Variants in FOXJ3 observed in about 807,000 individuals in gnomAD.
The protein encoded by FOXJ3 is forkhead box J3.
FOXJ3 carries 22 observed loss-of-function variants against 76.1 expected under a neutral mutation model. The ratio of observed to expected loss-of-function variants is 0.29; its 90% CI spans 0.21 to 0.41. The LOEUF (loss-of-function observed/expected upper bound fraction) is 0.41, where lower values mean the gene tolerates loss of function less well. Among genes scored for constraint, FOXJ3 ranks in the 10% least tolerant of loss-of-function variants. The pLI is 1.00. For missense variants in FOXJ3, 613 were observed against 762.1 expected, an observed-to-expected ratio of 0.80 and a Z score of 2.30; for synonymous variants, 269 against 261.2, an observed-to-expected ratio of 1.03 and a Z score of -0.29.
At chr1:42,322,962 A>T (rs1276965525) in intron 1 of FOXJ3, among the ~76,000 whole-genome samples, 1 of 152,164 alleles carries the variant, frequency 6.6e-6, no homozygotes, top group East Asian at 1.9e-4. Flanking sequence ...TAGAATTAAA[A>T]AATATCACCT....
At chr1:42,224,895 T>A (rs1469129412) in intron 5 of FOXJ3, among the ~76,000 whole-genome samples, 1 of 151,818 alleles carries the variant, frequency 6.6e-6, no homozygotes, top group Non-Finnish European at 1.5e-5. Flanking sequence ...GAGACCAGCC[T>A]CGGCAACATG....
intron 4 of FOXJ3, among the ~76,000 whole-genome samples, chr1:42,262,303 C>T (rs1651105883): frequency 6.6e-6 from 1 of 152,182 alleles, no homozygotes; most frequent in Admixed American, 6.5e-5. Flanking sequence ...GGCGAATATG[C>T]CTGGGTTCTA....
chr1:42,191,062 T>C (rs1468758806), intron 9 of FOXJ3, among the ~76,000 whole-genome samples: 2 of 92,530 alleles, frequency 2.2e-5, no homozygotes, highest in African/African-American at 9.1e-5. Context: ...ATCTAAATTA[T>C]AAACAAGAGT....
chr1:42,314,233 G>C (rs910508518), intron 1 of FOXJ3, among the ~76,000 whole-genome samples: 1 of 152,066 alleles, frequency 6.6e-6, no homozygotes, highest in Admixed American at 6.6e-5. Flanking sequence ...CAAAAGAACT[G>C]AGTACCAGGG....
chr1:42,285,231 G>C (rs532136987), intron 2 of FOXJ3, among the ~76,000 whole-genome samples: 9 of 151,920 alleles, frequency 5.9e-5, no homozygotes, highest in Non-Finnish European at 1.5e-5. Flanking sequence ...TATTAAGCCT[G>C]GCATCCATTA....
At chr1:42,286,407 G>C (rs981414760) in intron 2 of FOXJ3, among the ~76,000 whole-genome samples, 5 of 152,166 alleles carry the variant, frequency 3.3e-5, no homozygotes, top group African/African-American at 9.7e-5. Flanking sequence ...TGGAATCCAA[G>C]TTCTTCCCTT....
intron 2 of FOXJ3, among the ~76,000 whole-genome samples, chr1:42,292,814 T>C (rs1382121298): frequency 2.6e-5 from 4 of 152,112 alleles, no homozygotes; most frequent in Non-Finnish European, 5.9e-5. Context: ...AAACAAATAT[T>C]TGTGGGCTCA....
intron 1 of FOXJ3, among the ~76,000 whole-genome samples, chr1:42,325,689 T>C (rs749532963): frequency 1.3e-5 from 2 of 152,226 alleles, no homozygotes; most frequent in Non-Finnish European, 2.9e-5. Flanking sequence ...AAGTTAGTTT[T>C]CAGGATTTAA....
intron 3 of FOXJ3, among the ~76,000 whole-genome samples, chr1:42,270,699 G>A (rs953103346): frequency 1.3e-4 from 20 of 151,914 alleles, no homozygotes; most frequent in African/African-American, 4.8e-4. Flanking sequence ...TAAAAACACC[G>A]TCCCCAAAAG....
chr1:42,229,894 T>A (rs1029024162), intron 4 of FOXJ3, among the ~76,000 whole-genome samples: 1 of 152,210 alleles, frequency 6.6e-6, no homozygotes, highest in African/African-American at 2.4e-5. Flanking sequence ...AAATGACAAA[T>A]TCCAGCATTT....
In FOXJ3 at chr1:42,191,533, T is replaced by G; in HGVS notation, c.1121A>C (p.Gln374Pro). Residue 374 changes from glutamine (Q) to proline (P), a missense_variant, in exon 9 of 13, where the codon CAG (glutamine) becomes CCG (proline). Transcript: ENST00000361346. ...SVAQVSLSHP[Q>P]MHTQPSPHPP... ...ATGTGGAGATGGCTGTGTGTGCATC[T>G]GGGGGTGAGACAGTGAGACCTGTGC... 1 of 1,614,030 alleles carries G rather than the reference T, an allele frequency of 6.2e-7. No homozygotes were observed. The highest frequency in any genetic ancestry group is 8.5e-7 in the Non-Finnish European group (1 of 1,180,006).
intron 1 of FOXJ3, among the ~76,000 whole-genome samples, chr1:42,325,485 G>A (rs1257124050): frequency 2.0e-5 from 3 of 152,176 alleles, no homozygotes; most frequent in African/African-American, 7.2e-5. Flanking sequence ...CAGGGACCCT[G>A]CCTTAGTCGT....
intron 1 of FOXJ3, among the ~76,000 whole-genome samples, chr1:42,320,994 T>C (rs1371976158): frequency 6.6e-6 from 1 of 152,158 alleles, no homozygotes; most frequent in Non-Finnish European, 1.5e-5. Flanking sequence ...CAGAACTTAC[T>C]GGCTGTGAGA....
intron 2 of FOXJ3, among the ~76,000 whole-genome samples, chr1:42,284,535 T>C (rs1652930741): frequency 6.6e-6 from 1 of 152,236 alleles, no homozygotes; most frequent in Middle Eastern, 3.2e-3. Flanking sequence ...AAGAGTCCTA[T>C]AATCTGAAGT....
At chr1:42,285,376 C>T (rs1007519803) in intron 2 of FOXJ3, among the ~76,000 whole-genome samples, 15 of 151,970 alleles carry the variant, frequency 9.9e-5, no homozygotes, top group African/African-American at 3.6e-4. Context: ...CAAGGCATCC[C>T]TGAGGTAAGT....
intron 11 of FOXJ3, among the ~76,000 whole-genome samples, chr1:42,182,970 T>C (rs1646354386): frequency 6.6e-6 from 1 of 151,498 alleles, no homozygotes; most frequent in African/African-American, 2.4e-5. Context: ...CAACAAGCAA[T>C]GATGATTAAA....
chr1:42,219,058 G>A (rs1437436096), intron 5 of FOXJ3, among the ~76,000 whole-genome samples: 1 of 152,144 alleles, frequency 6.6e-6, no homozygotes, highest in African/African-American at 2.4e-5. Flanking sequence ...AAACTTCCAG[G>A]TTAGTTCAGG....
At chr1:42,330,772 T>C (rs1001682704) in intron 1 of FOXJ3, among the ~76,000 whole-genome samples, 4 of 152,124 alleles carry the variant, frequency 2.6e-5, no homozygotes, top group Admixed American at 2.0e-4. Flanking sequence ...ATAGCACAAA[T>C]ATGAACTAAG....
At chr1:42,246,342 A>G (rs573006997) in intron 4 of FOXJ3, among the ~76,000 whole-genome samples, 1 of 152,026 alleles carries the variant, frequency 6.6e-6, no homozygotes, top group Non-Finnish European at 1.5e-5. Flanking sequence ...ACACACACAC[A>G]CGTACCCATT....
Sources: gnomAD v4.1 joint callset for allele counts (sites outside exome capture counted in the v4.1 genomes callset) on GRCh38, gnomAD v4.1.1 for gene constraint, MANE v1.5 for transcripts, NCBI Gene and HGNC (gene_info 2026-07-23, HGNC 2026-07-21) for gene names.